The following FAM184A variants were observed in gnomAD, a reference collection of about 807,000 sequenced individuals.
FAM184A encodes the protein family with sequence similarity 184 member A, also known as protein FAM184A.
A neutral mutation model predicts 143.8 loss-of-function variants in FAM184A; 99 were observed. That is an observed-to-expected ratio of 0.69 (90% CI 0.58 to 0.81). FAM184A has a LOEUF of 0.81. FAM184A is among the 40% of genes least tolerant of loss of function. The probability of loss-of-function intolerance (pLI) is 0.00; values close to 1 mark genes in which losing one functional copy is unlikely to be tolerated. For missense variants in FAM184A, 1,217 were observed against 1,310.5 expected (o/e 0.93, Z 1.10); for synonymous variants, 427 against 446.4 (o/e 0.96, Z 0.55).
intron 1 of FAM184A, among the ~76,000 whole-genome samples, chr6:119,136,609 A>G (rs1217571583): frequency 6.6e-6 from 1 of 152,222 alleles, no homozygotes; most frequent in Non-Finnish European, 1.5e-5. Context: ...GCAACTGACC[A>G]ACCAGGCTTT....
intron 1 of FAM184A, among the ~76,000 whole-genome samples, chr6:119,124,431 T>A (rs1317957001): frequency 1.3e-5 from 2 of 152,218 alleles, no homozygotes; most frequent in African/African-American, 4.8e-5. Flanking sequence ...AAGGCAATAA[T>A]GATTATAACT....
At chr6:119,147,073 T>G (rs1206102335) in intron 1 of FAM184A, among the ~76,000 whole-genome samples, 3 of 118,508 alleles carry the variant, frequency 2.5e-5, no homozygotes, top group Non-Finnish European at 5.6e-5. Flanking sequence ...TGTTTTTTTT[T>G]TTTTTGTTTT....
intron 1 of FAM184A, among the ~76,000 whole-genome samples, chr6:119,050,448 T>C (rs1179959397): frequency 4.0e-5 from 4 of 100,096 alleles, no homozygotes; most frequent in Admixed American, 1.0e-4. Flanking sequence ...TAATGACAGA[T>C]TGGGTTTTTT....
Position 119,015,294 on chromosome 6 carries a change from C to T in FAM184A, c.1530+1453G>A, listed in dbSNP as rs183877852. The stretch of plus-strand genomic sequence containing the variant: ...TTTCTGGACTGGCCAAGGCCAGAGC[C>T]GGCTCCCTCAACTTGCAGGGAGGTG... On this transcript the variant is annotated intron_variant, in intron 5 of 17. Coordinates refer to ENST00000338891, the MANE Select transcript of FAM184A (RefSeq NM_024581.6). 3.5e-3 allele frequency among the ~76,000 whole-genome samples: 528 copies of T among 152,186 alleles called. 5 individuals are homozygous for T. The highest frequency in any genetic ancestry group is 0.012 in the African/African-American group (504 of 41,544).
intron 3 of FAM184A, 44 bp from the exon 4 acceptor site, chr6:119,020,203 T>C (rs1333241195): frequency 2.8e-6 from 4 of 1,429,074 alleles, no homozygotes; most frequent in Admixed American, 2.6e-5. Flanking sequence ...AAATCAGTTG[T>C]ACTATGAGAT....
At chr6:119,057,812 A>G (rs1195226918) in intron 1 of FAM184A, 2 of 150,090 alleles carry the variant, frequency 1.3e-5, no homozygotes, top group East Asian at 2.0e-4. Flanking sequence ...TTAATGACGC[A>G]TATCACATTA....
intron 1 of FAM184A, among the ~76,000 whole-genome samples, chr6:119,134,399 G>C (rs1789608387): frequency 6.6e-6 from 1 of 152,040 alleles, no homozygotes. Flanking sequence ...AAATTTAAAA[G>C]TCTATTGCGG....
rs761999727 is a variant in FAM184A at position 118,998,091 on chromosome 6, C to T, written c.2088+4808G>A. 1.2e-4 allele frequency among the ~76,000 whole-genome samples: 19 copies of T among 152,156 alleles called. 1 individual carries two copies. Among genetic ancestry groups the T allele is most frequent in the Non-Finnish European group, 5.9e-5 (4 of 68,030 alleles). ...ACATCTAAGAGAAAACTTACCATCT[C>T]ATCTCCCCAGTCACCCACACCCCAC... On this transcript the variant is annotated intron_variant, in intron 9 of 17. Transcript: ENST00000338891.
At chr6:119,014,584 C>T (rs117526556) in intron 5 of FAM184A, among the ~76,000 whole-genome samples, 2,195 of 152,276 alleles carry the variant, frequency 0.014, 22 homozygotes, top group Non-Finnish European at 0.024. Flanking sequence ...GAAGAGCACA[C>T]CTATTAAATT....
chr6:119,024,578 TAAGCTTCAAATTCTGTCA>T lies in FAM184A; in HGVS notation c.377_394del (p.Leu126_Ala131del). 6.2e-7 allele frequency: 1 copy of T among 1,614,222 alleles called. No homozygotes were observed. Among genetic ancestry groups the T allele is most frequent in the Non-Finnish European group, 8.5e-7 (1 of 1,180,038 alleles). Reference sequence around the variant, plus strand: ...TTGCATGTCCTCAACTCTGTGCTTATAAGCTTCAAATTCTGTCAAAGCCTGCTGCTTCATTTTTATGTG... The same window carrying T: ...TTGCATGTCCTCAACTCTGTGCTTATAAGCCTGCTGCTTCATTTTTATGTG... On this transcript the variant is annotated inframe_deletion, in exon 2 of 18. Transcript: ENST00000338891.
chr6:119,148,502 G>A (rs1772531371), intron 1 of FAM184A, among the ~76,000 whole-genome samples: 1 of 152,110 alleles, frequency 6.6e-6, no homozygotes, highest in Non-Finnish European at 1.5e-5. Flanking sequence ...AAGTCCAACT[G>A]TCTGGATTCT....
intron 1 of FAM184A, among the ~76,000 whole-genome samples, chr6:119,109,122 C>T (rs930079091): frequency 6.2e-5 from 6 of 96,506 alleles, no homozygotes; most frequent in African/African-American, 1.9e-4. Context: ...TATTCTTGGT[C>T]TTATTGTTTT....
rs1787969294 is a variant in FAM184A at position 119,078,622 on chromosome 6, C to T, written c.-323G>A. 5.0e-6 allele frequency: 1 copy of T among 198,972 alleles called. No individual in the cohort carries two copies. 12.3% of individuals were successfully genotyped at this position (198,972 alleles called of 1,614,324 possible). A position where few individuals can be genotyped will look rare whatever the true frequency, so the allele number is the denominator to read the frequency against. On this transcript the variant is annotated 5_prime_UTR_variant, in exon 1 of 18. Transcript: ENST00000338891. This position sits in a 1 kb window ranked among gnomAD's most constrained non-coding sequence, Gnocchi z 5.5. ...GGAGGCGTCGAGGACAGCGCAGCTC[C>T]GCGGGTCCCGCTCGCAGCCCGCACC...
At chr6:119,073,966 T>C (rs1787781879) in intron 1 of FAM184A, among the ~76,000 whole-genome samples, 1 of 151,964 alleles carries the variant, frequency 6.6e-6, no homozygotes, top group South Asian at 2.1e-4. Context: ...CTCAGCAAAG[T>C]GGAGGTGAAG....
At position 118,969,827 on chromosome 6, in the gene FAM184A, G is replaced by A. The variant is rs542610095; in HGVS notation, c.2916-2875C>T. Reference sequence around the variant, plus strand: ...CCCACCCCGTGACAGGCCCTGGTGTGTGATGTTCCCCTCCCTGGGCCCACA... The same window carrying A: ...CCCACCCCGTGACAGGCCCTGGTGTATGATGTTCCCCTCCCTGGGCCCACA... On this transcript the variant is annotated intron_variant, in intron 14 of 17. Coordinates refer to ENST00000338891, the MANE Select transcript of FAM184A (RefSeq NM_024581.6). Among the ~76,000 whole-genome samples the A allele has an allele frequency of 4.3e-3, 583 of 136,994 alleles. 3 individuals are homozygous for A. Among genetic ancestry groups the A allele is most frequent in the Middle Eastern group, 0.011 (3 of 264 alleles). 89.9% of individuals were successfully genotyped at this position (136,994 alleles called of 152,430 possible).
chr6:118,983,531 G>A (rs1784080413), intron 9 of FAM184A, among the ~76,000 whole-genome samples: 2 of 151,920 alleles, frequency 1.3e-5, no homozygotes, highest in South Asian at 2.1e-4. Context: ...TGTAGTGCAC[G>A]GTATTAGTTT....
At chr6:119,019,750 T>TA (rs1785379372) in intron 4 of FAM184A, among the ~76,000 whole-genome samples, 1 of 152,228 alleles carries the variant, frequency 6.6e-6, no homozygotes, top group Admixed American at 6.5e-5. Flanking sequence ...TGAAATGTCT[T>TA]AAAGTTTTTA....
intron 1 of FAM184A, among the ~76,000 whole-genome samples, chr6:119,107,635 G>T (rs1788819960): frequency 6.6e-6 from 1 of 152,026 alleles, no homozygotes; most frequent in Non-Finnish European, 1.5e-5. Context: ...TAAATTAGCT[G>T]GGCATGGTGG....
In FAM184A at chr6:118,991,751, C is replaced by CTTTTTTTTT. The variant is rs61476918; in HGVS notation, c.2088+11139_2088+11147dup. Among the ~76,000 whole-genome samples, 9 of 42,378 alleles carry CTTTTTTTTT rather than the reference C, an allele frequency of 2.1e-4. 1 individual carries two copies. The highest frequency in any genetic ancestry group is 3.2e-4 in the Non-Finnish European group (8 of 25,062). The allele number at this position is 42,378 out of a possible 152,430, so 27.8% of individuals were successfully genotyped here. A position where few individuals can be genotyped will look rare whatever the true frequency, so the allele number is the denominator to read the frequency against. ...ATTCAATGGGGTGCCCCTGAGAGGA[C>CTTTTTTTTT]TTTTTTTTTTTTTTTTTTTTTTTTT... On this transcript the variant is annotated intron_variant, in intron 9 of 17. Coordinates refer to ENST00000338891, the MANE Select transcript of FAM184A (RefSeq NM_024581.6).
Sources: allele counts gnomAD v4.1 joint callset (sites outside exome capture counted in the v4.1 genomes callset), GRCh38; gene constraint gnomAD v4.1.1; non-coding constraint Gnocchi (gnomAD v3.1); transcripts MANE v1.5; gene names NCBI Gene and HGNC (gene_info 2026-07-23, HGNC 2026-07-21).